Variants in ACOXL observed in about 807,000 individuals in gnomAD.
ACOXL encodes acyl-CoA oxidase like, also known as acyl-coenzyme A oxidase-like protein.
ACOXL carries 70 observed loss-of-function variants against 71.9 expected under a neutral mutation model. The ratio of observed to expected loss-of-function variants is 0.97; its 90% CI spans 0.80 to 1.19. ACOXL has a LOEUF of 1.19. ACOXL is among the 50% of genes most tolerant of loss of function. The probability of loss-of-function intolerance (pLI) is 0.00; values close to 1 mark genes in which losing one functional copy is unlikely to be tolerated. For synonymous variants in ACOXL, 253 were observed against 281.6 expected (o/e 0.90, Z 1.02); for missense variants, 703 against 736.3 (o/e 0.95, Z 0.52).
chr2:110,935,145 A>G (rs2060615529), intron 12 of ACOXL, among the ~76,000 whole-genome samples: 1 of 152,122 alleles, frequency 6.6e-6, no homozygotes, highest in Admixed American at 6.5e-5. Context: ...AGGCAGGGAC[A>G]GCCCACACAG....
At chr2:110,754,352 G>T (rs1293732121) in intron 1 of ACOXL, among the ~76,000 whole-genome samples, 1 of 152,048 alleles carries the variant, frequency 6.6e-6, no homozygotes, top group Non-Finnish European at 1.5e-5. Flanking sequence ...GATTACAGGT[G>T]TGAGCCACCA....
intron 10 of ACOXL, among the ~76,000 whole-genome samples, chr2:110,852,991 C>T (rs1036995629): frequency 6.6e-6 from 1 of 152,216 alleles, no homozygotes. Flanking sequence ...TATACACTCA[C>T]ATGTCAGCAG....
chr2:111,098,740 TGAAA>T (rs1221989665), intron 17 of ACOXL: 1 of 152,200 alleles, frequency 6.6e-6, no homozygotes, highest in African/African-American at 2.4e-5. Context: ...TCTGTAAATT[TGAAA>T]GTATTCCAAA....
At chr2:111,069,960 C>G (rs2067260873) in intron 16 of ACOXL, among the ~76,000 whole-genome samples, 1 of 151,954 alleles carries the variant, frequency 6.6e-6, no homozygotes, top group Non-Finnish European at 1.5e-5. Context: ...CATGGTAACC[C>G]ACAGGTGCTG....
At chr2:111,111,874 G>A (rs943326164) in intron 17 of ACOXL, among the ~76,000 whole-genome samples, 1 of 152,202 alleles carries the variant, frequency 6.6e-6, no homozygotes, top group Admixed American at 6.5e-5. Context: ...AGTATGGCTT[G>A]GAAGTGGCAA....
At chr2:110,883,339 G>A (rs1018215581) in intron 10 of ACOXL, among the ~76,000 whole-genome samples, 3 of 151,854 alleles carry the variant, frequency 2.0e-5, no homozygotes, top group African/African-American at 7.3e-5. Context: ...CAAACTCGTA[G>A]CCCCAAGCAA....
At chr2:111,037,079 C>A (rs967644540) in intron 15 of ACOXL, among the ~76,000 whole-genome samples, 2 of 152,130 alleles carry the variant, frequency 1.3e-5, no homozygotes, top group Non-Finnish European at 2.9e-5. Flanking sequence ...ACAGACTGCC[C>A]AACATGCTAG....
intron 10 of ACOXL, among the ~76,000 whole-genome samples, chr2:110,846,717 C>T (rs961364365): frequency 3.3e-5 from 5 of 151,168 alleles, no homozygotes; most frequent in Non-Finnish European, 7.4e-5. Context: ...CTGCTGACCC[C>T]AGACACCTCT....
At chr2:111,082,809 A>G (rs769977239) in intron 16 of ACOXL, among the ~76,000 whole-genome samples, 8 of 152,230 alleles carry the variant, frequency 5.3e-5, no homozygotes, top group Non-Finnish European at 1.2e-4. Context: ...GATAGACTGG[A>G]TAAAGAAAAT....
intron 16 of ACOXL, among the ~76,000 whole-genome samples, chr2:111,055,953 G>A (rs557959163): frequency 2.0e-5 from 3 of 152,336 alleles, no homozygotes; most frequent in African/African-American, 7.2e-5. Flanking sequence ...AAGTAAGAGT[G>A]TGGCTGGCAG....
chr2:110,745,535 GAC>G (rs143886324), intron 1 of ACOXL, among the ~76,000 whole-genome samples: 17,307 of 152,142 alleles, frequency 0.11, 2,536 homozygotes, highest in African/African-American at 0.35. Flanking sequence ...TTAGTCTCTG[GAC>G]CATTCTAGTG....
chr2:111,116,263 C>T (rs1246919824), intron 17 of ACOXL, among the ~76,000 whole-genome samples: 5 of 152,188 alleles, frequency 3.3e-5, no homozygotes, highest in Non-Finnish European at 7.3e-5. Flanking sequence ...TTTAGTGCAT[C>T]TTGCAAATAC....
chr2:110,781,224 T>C (rs984345541), intron 2 of ACOXL, among the ~76,000 whole-genome samples: 4 of 152,172 alleles, frequency 2.6e-5, no homozygotes, highest in Admixed American at 1.3e-4. Context: ...AATTTTACCT[T>C]AGTAATTACT....
rs57292148 is a variant in ACOXL, at chr2:110,768,492, T to TTGTGTGTGTGTGTGTG, written c.75+35_75+50dup. On this transcript the variant is annotated intron_variant, in intron 2 of 17. Coordinates refer to ENST00000439055, the MANE Select transcript of ACOXL (RefSeq NM_001142807.4). ...AAGTGTCATTATTATTCTGGTATGG[T>TTGTGTGTGTGTGTGTG]TGTGTGTGTGTGTGTGTGTGTGAGA... The TTGTGTGTGTGTGTGTG allele has an allele frequency of 6.5e-5, 83 of 1,280,450 alleles. No individual in the cohort carries two copies. The African/African-American group carries it at 1.1e-3, about 17-fold the overall frequency. The allele number at this position is 1,280,450 out of a possible 1,614,324, so 79.3% of individuals were successfully genotyped here.
intron 16 of ACOXL, among the ~76,000 whole-genome samples, chr2:111,084,136 G>A (rs2068076261): frequency 6.6e-6 from 1 of 151,954 alleles, no homozygotes; most frequent in Non-Finnish European, 1.5e-5. Context: ...AGACCAGCCT[G>A]GGCAAGATGG....
intron 12 of ACOXL, chr2:110,963,814 G>A: frequency 6.7e-7 from 1 of 1,499,690 alleles, no homozygotes. Context: ...ATTGGCAGGT[G>A]CTTTCCTGTT....
intron 12 of ACOXL, among the ~76,000 whole-genome samples, chr2:110,985,648 G>A (rs532862159): frequency 6.6e-6 from 1 of 152,278 alleles, no homozygotes; most frequent in Non-Finnish European, 1.5e-5. Flanking sequence ...AGAGGCGGCG[G>A]TGTCACTTGT....
chr2:110,755,811 T>TA (rs1679599938), intron 1 of ACOXL, among the ~76,000 whole-genome samples: 4 of 152,266 alleles, frequency 2.6e-5, no homozygotes, highest in African/African-American at 7.2e-5. Flanking sequence ...CATAAAAAAA[T>TA]AGAGTACTGT....
chr2:110,874,521 G>C (rs1215473476), intron 10 of ACOXL, among the ~76,000 whole-genome samples: 1 of 152,168 alleles, frequency 6.6e-6, no homozygotes, highest in Non-Finnish European at 1.5e-5. Flanking sequence ...CATTCAGCCT[G>C]ACCTTGAGCA....
Sources: gnomAD v4.1 joint callset for allele counts (sites outside exome capture counted in the v4.1 genomes callset) on GRCh38, gnomAD v4.1.1 for gene constraint, MANE v1.5 for transcripts, NCBI Gene and HGNC (gene_info 2026-07-23, HGNC 2026-07-21) for gene names.